Variants in TTC3 observed in about 807,000 individuals in gnomAD.
TTC3 encodes tetratricopeptide repeat domain 3.
In TTC3, 180 loss-of-function variants were observed where a neutral mutation model predicts 249.6. That is an observed-to-expected ratio of 0.72 (90% confidence interval 0.64 to 0.82). The LOEUF (loss-of-function observed/expected upper bound fraction) is 0.82, where lower values mean the gene tolerates loss of function less well. Ranked by LOEUF, TTC3 falls within the 40% of genes least tolerant of loss-of-function variation. TTC3 has a pLI of 0.00. For synonymous variants in TTC3, 717 were observed against 805.0 expected (o/e 0.89, Z 1.85); for missense variants, 2,061 against 2,398.4 (o/e 0.86, Z 2.94).
At chr21:37,097,287 T>A (rs571225981) in intron 10 of TTC3, among the ~76,000 whole-genome samples, 1 of 152,168 alleles carries the variant, frequency 6.6e-6, no homozygotes, top group Non-Finnish European at 1.5e-5. Flanking sequence ...TATAAAATTT[T>A]TAGAACATAA....
intron 41 of TTC3, among the ~76,000 whole-genome samples, chr21:37,192,533 T>C (rs963891681): frequency 5.0e-4 from 37 of 73,346 alleles, no homozygotes; most frequent in Non-Finnish European, 7.8e-4. Flanking sequence ...GTTGTATATG[T>C]ATTCCTGACT....
intron 24 of TTC3, among the ~76,000 whole-genome samples, chr21:37,150,396 A>G (rs77849417): frequency 0.027 from 4,179 of 152,170 alleles, 83 homozygotes; most frequent in Middle Eastern, 0.044. Context: ...GGCTTTTTAT[A>G]TCTTAGTTTT....
chr21:37,158,292 C>T lies in TTC3; in HGVS notation c.2992+1386C>T, dbSNP rs538356627. On this transcript the variant is annotated intron_variant, in intron 28 of 45. Coordinates refer to ENST00000355666, the Ensembl canonical transcript of TTC3. ...AGACAACTAAAAAGGACACAATTCCCTCTCAGCATACACTCGTCCTTTAAC... is the reference window on the plus strand; with the variant it reads ...AGACAACTAAAAAGGACACAATTCCTTCTCAGCATACACTCGTCCTTTAAC... The T allele has an allele frequency of 9.5e-5, 75 of 789,748 alleles. 2 individuals are homozygous for T. The South Asian group carries it at 3.6e-3, about 38-fold the overall frequency. The allele number at this position is 789,748 out of a possible 1,614,324, so 48.9% of individuals were successfully genotyped here. A position where few individuals can be genotyped will look rare whatever the true frequency, so the allele number is the denominator to read the frequency against.
Position 37,126,094 on chromosome 21 carries a change from G to C in TTC3, c.1248G>C (p.Ala416=), listed in dbSNP as rs753187661. 1.2e-5 allele frequency: 19 copies of C among 1,608,298 alleles called. No homozygotes were observed. The South Asian group carries it at 2.1e-4, about 18-fold the overall frequency. ...TTCATTGGCAGGTGGCGGATGAGGC[G>C]TTGAAGGTAGATGATTGTGACTGTC... The change falls in exon 15 of 46, where the codon GCG becomes GCC. Residue 416 remains alanine (A), a synonymous_variant. Coordinates refer to ENST00000355666, the Ensembl canonical transcript of TTC3.
At chr21:37,087,711 A>T in intron 2 of TTC3, 122 bp from the exon 3 acceptor site, 1 of 815,060 alleles carries the variant, frequency 1.2e-6, no homozygotes, top group South Asian at 1.6e-5. Context: ...TTGGCTGAAG[A>T]TGTGTTTGAA....
Position 37,125,974 on chromosome 21 carries a change from G to A in TTC3, c.1234-106G>A, listed in dbSNP as rs1386016185. The A allele has an allele frequency of 1.6e-5, 16 of 1,016,598 alleles. No homozygotes were observed. The East Asian group carries it at 3.3e-4, about 21-fold the overall frequency. 63.0% of individuals were successfully genotyped at this position (1,016,598 alleles called of 1,614,324 possible). On this transcript the variant is annotated intron_variant, in intron 14 of 45. Coordinates refer to ENST00000355666, the Ensembl canonical transcript of TTC3. ...AACCAGCTGCATATTTTAGCTGCTAGGGTGAATTCTATCCTATTCTATTCT... is the reference window on the plus strand; with the variant it reads ...AACCAGCTGCATATTTTAGCTGCTAAGGTGAATTCTATCCTATTCTATTCT...
chr21:37,201,433 T>G lies in TTC3; in HGVS notation c.5944-7T>G, dbSNP rs767031972. 1.9e-6 allele frequency: 3 copies of G among 1,613,610 alleles called. No individual in the cohort carries two copies. Among genetic ancestry groups the G allele is most frequent in the Non-Finnish European group, 2.5e-6 (3 of 1,180,004 alleles). ...GGCATCTTCTGATTTTGTTTTCTCC[T>G]TTTCAGTGCTTTAAGCAGTGGCTTA... On this transcript the variant is annotated splice_polypyrimidine_tract_variant and splice_region_variant and intron_variant, in intron 45 of 45. Transcript: ENST00000355666.
chr21:37,144,603 G>A (rs761224961), exon 21 of TTC3: 2 of 1,611,630 alleles, frequency 1.2e-6, no homozygotes, highest in African/African-American at 1.3e-5. Flanking sequence ...CTTGGCCCAC[G>A]AGTAATGTGA....
intron 31 of TTC3, among the ~76,000 whole-genome samples, chr21:37,163,051 C>G (rs1445380754): frequency 6.6e-6 from 1 of 152,190 alleles, no homozygotes; most frequent in Non-Finnish European, 1.5e-5. Flanking sequence ...ATGAGTTTTG[C>G]AGAAACACAA....
intron 1 of TTC3, among the ~76,000 whole-genome samples, chr21:37,079,816 G>T (rs2071393445): frequency 6.6e-6 from 1 of 152,022 alleles, no homozygotes; most frequent in Admixed American, 6.5e-5. Flanking sequence ...TTACAGGTGT[G>T]AGCCACCGCT....
chr21:37,193,920 C>T (rs2084531587), intron 41 of TTC3: 1 of 152,210 alleles, frequency 6.6e-6, no homozygotes, highest in African/African-American at 2.4e-5. Flanking sequence ...GGAAGTCTCC[C>T]AGAGACAGAG....
At chr21:37,104,859 A>C (rs970756957) in intron 10 of TTC3, among the ~76,000 whole-genome samples, 3 of 152,204 alleles carry the variant, frequency 2.0e-5, no homozygotes, top group African/African-American at 7.2e-5. Flanking sequence ...CCTAGAGTAA[A>C]GCTTGGGCAT....
chr21:37,119,282 A>G (rs1409515237), intron 11 of TTC3, among the ~76,000 whole-genome samples: 1 of 152,156 alleles, frequency 6.6e-6, no homozygotes, highest in Admixed American at 6.5e-5. Flanking sequence ...TACTGAAGCA[A>G]AACTTTTCTG....
At chr21:37,145,077 AGT>A (rs2078867513) in intron 21 of TTC3, among the ~76,000 whole-genome samples, 1 of 152,220 alleles carries the variant, frequency 6.6e-6, no homozygotes, top group Non-Finnish European at 1.5e-5. Flanking sequence ...TTCATCATAA[AGT>A]TACCACAGTT....
chr21:37,137,962 T>A (rs35199609), intron 18 of TTC3, among the ~76,000 whole-genome samples: 1 of 147,988 alleles, frequency 6.8e-6, no homozygotes, highest in Non-Finnish European at 1.5e-5. Flanking sequence ...AGCAAACCAC[T>A]GTGGCACGTG....
chr21:37,153,984 A>G (rs1377034476), intron 27 of TTC3, among the ~76,000 whole-genome samples: 1 of 152,162 alleles, frequency 6.6e-6, no homozygotes, highest in African/African-American at 2.4e-5. Context: ...TGGCTGGGAG[A>G]AGGGAAGAGT....
At chr21:37,116,469 T>G (rs2076149113) in intron 11 of TTC3, among the ~76,000 whole-genome samples, 1 of 152,164 alleles carries the variant, frequency 6.6e-6, no homozygotes, top group Non-Finnish European at 1.5e-5. Context: ...TATCTGTGTA[T>G]TAGTCTCTGT....
intron 11 of TTC3, among the ~76,000 whole-genome samples, chr21:37,114,923 G>C (rs1490431869): frequency 1.2e-3 from 185 of 151,992 alleles, no homozygotes; most frequent in African/African-American, 4.1e-3. Context: ...TCAGCAAACT[G>C]TTGCAGGGAC....
chr21:37,134,578 T>C (rs2077760160), intron 17 of TTC3, among the ~76,000 whole-genome samples: 1 of 152,196 alleles, frequency 6.6e-6, no homozygotes, highest in Non-Finnish European at 1.5e-5. Flanking sequence ...ACATACATAT[T>C]TGCATTTGCG....
Sources: gnomAD v4.1 joint callset for allele counts (sites outside exome capture counted in the v4.1 genomes callset) on GRCh38, gnomAD v4.1.1 for gene constraint, MANE v1.5 for transcripts, NCBI Gene and HGNC (gene_info 2026-07-23, HGNC 2026-07-21) for gene names.